NECTIN4: variants seen among roughly 807,000 people sequenced by gnomAD.
The protein encoded by NECTIN4 is nectin cell adhesion molecule 4, also known as nectin-4.
NECTIN4 carries 19 observed loss-of-function variants against 51.7 expected under a neutral mutation model. That is an observed-to-expected ratio of 0.37 (90% confidence interval 0.26 to 0.54). The LOEUF is 0.54. Ranked by LOEUF, NECTIN4 falls within the 20% of genes least tolerant of loss-of-function variation. NECTIN4 has a pLI of 0.86. For missense variants in NECTIN4, 619 were observed against 662.4 expected (o/e 0.93, Z 0.72); for synonymous variants, 283 against 286.9 (o/e 0.99, Z 0.14).
intron 1 of NECTIN4, among the ~76,000 whole-genome samples, chr1:161,082,850 G>A (rs1035368193): frequency 1.3e-5 from 2 of 152,120 alleles, no homozygotes; most frequent in Non-Finnish European, 1.5e-5. Context: ...TGCTTCAAAC[G>A]CTGGTGTCTG....
intron 1 of NECTIN4, among the ~76,000 whole-genome samples, chr1:161,082,190 G>C (rs192721639): frequency 2.0e-5 from 3 of 152,180 alleles, no homozygotes; most frequent in South Asian, 4.2e-4. Flanking sequence ...TTAGATGGGC[G>C]TGGTGGCGGG....
chr1:161,074,452 C>T (rs967030883), intron 5 of NECTIN4, 79 bp from the exon 6 acceptor site: 70 of 1,602,732 alleles, frequency 4.4e-5, no homozygotes, highest in Non-Finnish European at 5.9e-5. Flanking sequence ...CCCCGCAAAA[C>T]ATCTAAAACC....
chr1:161,073,362 C>G lies in NECTIN4; in HGVS notation c.1234-63G>C, dbSNP rs2101656707. The G allele has an allele frequency of 3.6e-6, 5 of 1,380,908 alleles. No individual in the cohort carries two copies. The East Asian group carries it at 1.2e-4, about 32-fold the overall frequency. The allele number at this position is 1,380,908 out of a possible 1,614,324, so 85.5% of individuals were successfully genotyped here. On this transcript the variant is annotated intron_variant, in intron 7 of 8. Coordinates refer to ENST00000368012, the MANE Select transcript of NECTIN4 (RefSeq NM_030916.3). ...CAGCCTCCTCCCCTCAGCCTCTTCC[C>G]CTCTTGTCCTCCACCAGCCTCCTCC...
intron 1 of NECTIN4, among the ~76,000 whole-genome samples, chr1:161,086,052 T>A (rs1653930607): frequency 6.6e-6 from 1 of 152,264 alleles, no homozygotes; most frequent in Middle Eastern, 3.4e-3. Flanking sequence ...CCTTCTGACT[T>A]CGTTCCCCAC....
Position 161,072,377 on chromosome 1 carries a change from C to T in NECTIN4, c.*284G>A. On this transcript the variant is annotated 3_prime_UTR_variant, in exon 9 of 9. Coordinates refer to ENST00000368012, the MANE Select transcript of NECTIN4 (RefSeq NM_030916.3). ...GACAGCATAATACACACCACGGACA[C>T]AGTCACCCCTCCACGGACAGTCACC... The T allele has an allele frequency of 1.9e-6, 1 of 530,966 alleles. No individual in the cohort carries two copies. Among genetic ancestry groups the T allele is most frequent in the Non-Finnish European group, 3.4e-6 (1 of 291,322 alleles). The allele number at this position is 530,966 out of a possible 1,614,324, so 32.9% of individuals were successfully genotyped here.
Position 161,077,633 on chromosome 1 carries a change from C to G in NECTIN4, c.550G>C (p.Asp184His). Reference sequence around the variant, plus strand: ...GACGTTGTGCCTTTGACCTCCGTGTCCCAGGTCACGCTGGGGGCTGGGCTG... The same window carrying G: ...GACGTTGTGCCTTTGACCTCCGTGTGCCAGGTCACGCTGGGGGCTGGGCTG... The part of the protein sequence containing the change: ...EGSPAPSVTW[D>H]TEVKGTTSSR... Residue 184 changes from aspartate to histidine, a missense_variant, in exon 3 of 9, where the codon GAC becomes CAC. This residue lies in a region of NECTIN4 where 37 missense variants were observed against 60.3 expected (regional missense o/e 0.61). Coordinates refer to ENST00000368012, the MANE Select transcript of NECTIN4 (RefSeq NM_030916.3). 1 of 1,613,706 alleles carries G rather than the reference C, an allele frequency of 6.2e-7. No homozygotes were observed. The highest frequency in any genetic ancestry group is 8.5e-7 in the Non-Finnish European group (1 of 1,180,044).
rs1218618711 is a variant in NECTIN4 at position 161,072,676 on chromosome 1, C to T, written c.1518G>A (p.Arg506=). 2.5e-6 allele frequency: 4 copies of T among 1,614,046 alleles called. No individual in the cohort carries two copies. Among genetic ancestry groups the T allele is most frequent in the Non-Finnish European group, 3.4e-6 (4 of 1,179,982 alleles). Residue 506 remains arginine, a synonymous_variant, in exon 9 of 9, where the codon CGG becomes CGA. Transcript: ENST00000368012. ...PTGNGIYING[R]GHLV ...CAGGCCTGGGTCAGACCAGGTGTCC[C>T]CGCCCATTGATGTAGATGCCATTGC...
intron 7 of NECTIN4, 77 bp from the exon 8 acceptor site, chr1:161,073,376 C>T (rs1319909340): frequency 8.3e-6 from 10 of 1,209,534 alleles, no homozygotes; most frequent in Non-Finnish European, 1.2e-5. Context: ...TTGTCCTCCA[C>T]CAGCCTCCTC....
At chr1:161,073,093 G>A in intron 8 of NECTIN4, 132 bp downstream of exon 8, 1 of 688,566 alleles carries the variant, frequency 1.5e-6, no homozygotes, top group South Asian at 1.7e-5. Flanking sequence ...TAGCAGAGAT[G>A]CGGTGCTGGG....
rs189780932 is a variant in NECTIN4, at chr1:161,073,954, A to C, written c.1158-159T>G. On this transcript the variant is annotated intron_variant, in intron 6 of 8. Transcript: ENST00000368012. The stretch of plus-strand genomic sequence containing the variant: ...GCTGCAGGTGGCAGTGAGGCTGAAG[A>C]GCATGTGTGTGCTGTGTGCGTGTGC... Among the ~76,000 whole-genome samples, 4 of 152,190 alleles carry C rather than the reference A, an allele frequency of 2.6e-5. No individual in the cohort carries two copies. In the East Asian group the frequency reaches 5.8e-4, roughly 22 times the overall value.
At position 161,078,345 on chromosome 1, in the gene NECTIN4, T is replaced by TCC. The variant is rs1273023021; in HGVS notation, c.440-603_440-602insGG. 2.2e-4 allele frequency among the ~76,000 whole-genome samples: 34 copies of TCC among 152,260 alleles called. 1 individual carries two copies. Among genetic ancestry groups the TCC allele is most frequent in the Non-Finnish European group, 4.4e-4 (30 of 68,026 alleles). On this transcript the variant is annotated intron_variant, in intron 2 of 8. Coordinates refer to ENST00000368012, the MANE Select transcript of NECTIN4 (RefSeq NM_030916.3). Reference sequence around the variant, plus strand: ...ACTTGTGAGACTGAGTCTCCGTCTGTTGCCCAGGCTGGAGTGCAGTGGCAT... The same window carrying TCC: ...ACTTGTGAGACTGAGTCTCCGTCTGTCCTGCCCAGGCTGGAGTGCAGTGGCAT...
chr1:161,088,740 C>T (rs1654056943), intron 1 of NECTIN4, among the ~76,000 whole-genome samples: 1 of 152,192 alleles, frequency 6.6e-6, no homozygotes, highest in African/African-American at 2.4e-5. Flanking sequence ...ATCCCCCATC[C>T]ACTCTCTGGG....
At chr1:161,081,586 T>C (rs1341525633) in intron 1 of NECTIN4, among the ~76,000 whole-genome samples, 1 of 152,158 alleles carries the variant, frequency 6.6e-6, no homozygotes, top group Non-Finnish European at 1.5e-5. Context: ...AGGAACATGC[T>C]GGGATGGCAG....
chr1:161,077,942 T>C (rs1209895816), intron 2 of NECTIN4, among the ~76,000 whole-genome samples, 199 bp from the exon 3 acceptor site: 1 of 152,176 alleles, frequency 6.6e-6, no homozygotes, highest in East Asian at 1.9e-4. Context: ...ACAATGAACG[T>C]AGGTTATTTT....
chr1:161,073,362 C>A, intron 7 of NECTIN4, 63 bp from the exon 8 acceptor site: 1 of 1,380,906 alleles, frequency 7.2e-7, no homozygotes, highest in South Asian at 1.2e-5. Context: ...AGCCTCTTCC[C>A]CTCTTGTCCT....
chr1:161,074,524 C>G (rs1653324112), intron 5 of NECTIN4, 87 bp downstream of exon 5: 2 of 1,584,578 alleles, frequency 1.3e-6, no homozygotes, highest in African/African-American at 1.3e-5. Flanking sequence ...AACACTTTCC[C>G]AATTCACTGT....
intron 1 of NECTIN4, among the ~76,000 whole-genome samples, chr1:161,086,517 G>T (rs1453862009): frequency 6.6e-6 from 1 of 152,194 alleles, no homozygotes. Flanking sequence ...ACCTCAGAAT[G>T]CAGAGCACCA....
intron 1 of NECTIN4, among the ~76,000 whole-genome samples, chr1:161,082,804 A>T (rs2101672767): frequency 6.6e-6 from 1 of 152,236 alleles, no homozygotes. Context: ...GCTGTGAGTG[A>T]GCTTGGGTAG....
At chr1:161,076,838 A>C (rs935279331) in intron 3 of NECTIN4, among the ~76,000 whole-genome samples, 3 of 152,250 alleles carry the variant, frequency 2.0e-5, no homozygotes, top group African/African-American at 7.2e-5. Flanking sequence ...TAACAATCCT[A>C]CTAGTTCATT....
Sources: gnomAD v4.1 joint callset for allele counts (sites outside exome capture counted in the v4.1 genomes callset) on GRCh38, gnomAD v4.1.1 for gene constraint, gnomAD v4.1.1 regional missense constraint, MANE v1.5 for transcripts, NCBI Gene and HGNC (gene_info 2026-07-23, HGNC 2026-07-21) for gene names.